PRR16: variants seen among roughly 807,000 people sequenced by gnomAD.
The protein encoded by PRR16 is proline rich 16.
In PRR16, 6 loss-of-function variants were observed where a neutral mutation model predicts 18.2. That is an observed-to-expected ratio of 0.33 (90% CI 0.18 to 0.65). The LOEUF (loss-of-function observed/expected upper bound fraction) is 0.65, where lower values mean the gene tolerates loss of function less well. Among genes scored for constraint, PRR16 ranks in the 30% least tolerant of loss-of-function variants. PRR16 has a pLI of 0.74. For missense variants in PRR16, 412 were observed against 376.6 expected (o/e 1.09, Z -0.78); for synonymous variants, 151 against 147.8 (o/e 1.02, Z -0.16).
chr5:120,565,301 G>C (rs1175709824), intron 1 of PRR16, among the ~76,000 whole-genome samples: 2 of 152,066 alleles, frequency 1.3e-5, no homozygotes, highest in Admixed American at 1.3e-4. Context: ...TATATTATCA[G>C]TTAACTGCAT....
At chr5:120,729,404 T>C in the PRR16 span, among the ~76,000 whole-genome samples, 1 of 152,128 alleles carries the variant, frequency 6.6e-6, no homozygotes, top group Non-Finnish European at 1.5e-5. Flanking sequence ...TTTTGAGAGT[T>C]AAAATGAAGA....
the PRR16 span, among the ~76,000 whole-genome samples, chr5:120,698,482 G>T: frequency 7.0e-6 from 1 of 143,870 alleles, no homozygotes. Flanking sequence ...AGCACCAGGA[G>T]ATATCAGCTG....
At chr5:120,778,759 G>A in the PRR16 span, among the ~76,000 whole-genome samples, 1 of 152,142 alleles carries the variant, frequency 6.6e-6, no homozygotes. Flanking sequence ...AATCCAACTT[G>A]CTGATTCATG....
chr5:120,782,597 AAGGT>A, the PRR16 span, among the ~76,000 whole-genome samples: 1 of 151,992 alleles, frequency 6.6e-6, no homozygotes, highest in Non-Finnish European at 1.5e-5. Context: ...CATAAGTTAC[AAGGT>A]AGGGCTCCAG....
intron 1 of PRR16, among the ~76,000 whole-genome samples, chr5:120,651,346 G>T (rs192281460): frequency 1.4e-3 from 210 of 152,220 alleles, no homozygotes; most frequent in African/African-American, 4.8e-3. Flanking sequence ...GATCCCATTT[G>T]TCCATTTTGG....
At chr5:120,644,352 A>G (rs983193097) in intron 1 of PRR16, among the ~76,000 whole-genome samples, 31 of 152,252 alleles carry the variant, frequency 2.0e-4, no homozygotes, top group African/African-American at 7.2e-4. Flanking sequence ...GAAAAAAGGT[A>G]AAAGGAAATG....
chr5:120,737,953 T>C, the PRR16 span, among the ~76,000 whole-genome samples: 148,104 of 152,164 alleles, frequency 0.97, 72,209 homozygotes, highest in East Asian at 1. Context: ...TAACACAATA[T>C]TGATGTTGAG....
the PRR16 span, among the ~76,000 whole-genome samples, chr5:120,782,795 T>C: frequency 6.6e-6 from 1 of 152,178 alleles, no homozygotes; most frequent in Non-Finnish European, 1.5e-5. Context: ...TCCTGGTAAT[T>C]TGGAACTAAT....
the PRR16 span, among the ~76,000 whole-genome samples, chr5:120,777,661 GA>G: frequency 6.6e-6 from 1 of 152,060 alleles, no homozygotes; most frequent in Non-Finnish European, 1.5e-5. Flanking sequence ...CATAGGAAGT[GA>G]AAAAGCCAGG....
chr5:120,752,211 G>T, the PRR16 span, among the ~76,000 whole-genome samples: 28 of 152,084 alleles, frequency 1.8e-4, no homozygotes, highest in East Asian at 5.4e-3. Context: ...GCCTACTCCA[G>T]GGAAATATAT....
the PRR16 span, among the ~76,000 whole-genome samples, chr5:120,787,826 T>C: frequency 6.6e-6 from 1 of 152,050 alleles, no homozygotes; most frequent in African/African-American, 2.4e-5. Flanking sequence ...TCATCAAAAT[T>C]TTTCAACATT....
intron 1 of PRR16, among the ~76,000 whole-genome samples, chr5:120,546,063 A>T (rs1752064810): frequency 6.6e-6 from 1 of 152,120 alleles, no homozygotes; most frequent in African/African-American, 2.4e-5. Context: ...GACCATTGGC[A>T]TAAGGGTATT....
chr5:120,682,679 C>T (rs1465038978), intron 1 of PRR16, among the ~76,000 whole-genome samples: 1 of 152,174 alleles, frequency 6.6e-6, no homozygotes, highest in Admixed American at 6.5e-5. Context: ...CTACCTCTCA[C>T]ATTCTTTAGA....
the PRR16 span, among the ~76,000 whole-genome samples, chr5:120,701,240 G>T: frequency 6.6e-6 from 1 of 152,058 alleles, no homozygotes; most frequent in South Asian, 2.1e-4. Flanking sequence ...GGGTTTGAGG[G>T]CCAGAATTTA....
intron 1 of PRR16, among the ~76,000 whole-genome samples, chr5:120,664,243 G>A (rs1477544987): frequency 2.0e-5 from 3 of 151,950 alleles, no homozygotes; most frequent in Non-Finnish European, 2.9e-5. Context: ...AGGTTGCTAT[G>A]AGCTGAGATC....
At chr5:120,782,143 T>C in the PRR16 span, among the ~76,000 whole-genome samples, 1 of 152,204 alleles carries the variant, frequency 6.6e-6, no homozygotes, top group African/African-American at 2.4e-5. Context: ...ACTGAGTGTG[T>C]GGTTGGTGTT....
Position 120,530,277 on chromosome 5 carries a change from A to T in PRR16, c.159+65632A>T, listed in dbSNP as rs867760583. ...TAAATATATATATATATATATATATATATATATTTATTTATTTATTTATTT... is the reference window on the plus strand; with the variant it reads ...TAAATATATATATATATATATATATTTATATATTTATTTATTTATTTATTT... On this transcript the variant is annotated intron_variant, in intron 1 of 1. Coordinates refer to ENST00000407149, the MANE Select transcript of PRR16 (RefSeq NM_001300783.2). 3.7e-4 allele frequency among the ~76,000 whole-genome samples: 47 copies of T among 126,198 alleles called. 1 individual carries two copies. The highest frequency in any genetic ancestry group is 1.5e-3 in the African/African-American group (44 of 29,424). 82.8% of individuals were successfully genotyped at this position (126,198 alleles called of 152,430 possible).
the PRR16 span, among the ~76,000 whole-genome samples, chr5:120,769,540 C>T: frequency 6.6e-6 from 1 of 151,872 alleles, no homozygotes; most frequent in South Asian, 2.1e-4. Context: ...TATTGCAGAA[C>T]TTCCTTTTTT....
At chr5:120,550,786 A>C (rs1752229595) in intron 1 of PRR16, among the ~76,000 whole-genome samples, 1 of 152,006 alleles carries the variant, frequency 6.6e-6, no homozygotes, top group Admixed American at 6.6e-5. Context: ...ATGAATTTTA[A>C]AATTCAGTGT....
Sources: gnomAD v4.1 joint callset for allele counts (sites outside exome capture counted in the v4.1 genomes callset) on GRCh38, gnomAD v4.1.1 for gene constraint, MANE v1.5 for transcripts, NCBI Gene and HGNC (gene_info 2026-07-23, HGNC 2026-07-21) for gene names.